The following PRSS23 variants were observed in gnomAD, a reference collection of about 807,000 sequenced individuals.
PRSS23 encodes the protein protease, serine 23.
PRSS23 carries 25 observed loss-of-function variants against 34.7 expected under a neutral mutation model. The observed-to-expected ratio is 0.72, with a 90% CI of 0.53 to 1.01. The LOEUF (loss-of-function observed/expected upper bound fraction) is 1.01, where lower values mean the gene tolerates loss of function less well. Among genes scored for constraint, PRSS23 ranks in the 50% least tolerant of loss-of-function variants. The pLI, the probability that PRSS23 is intolerant of heterozygous loss-of-function variation, is 0.00. For missense variants in PRSS23, 445 were observed against 475.6 expected (o/e 0.94, Z 0.60); for synonymous variants, 176 against 186.6 (o/e 0.94, Z 0.46).
intron 2 of PRSS23, among the ~76,000 whole-genome samples, chr11:86,864,231 T>C (rs1948635220): frequency 6.6e-6 from 1 of 152,162 alleles, no homozygotes; most frequent in African/African-American, 2.4e-5. Context: ...ATTTTTTTTT[T>C]TTCCCCAAAG....
chr11:86,903,997 C>T (rs887797631), intron 2 of PRSS23, among the ~76,000 whole-genome samples: 3 of 152,098 alleles, frequency 2.0e-5, no homozygotes, highest in Non-Finnish European at 4.4e-5. Context: ...ATAGCTTTTG[C>T]TTCTGAAGGC....
intron 1 of PRSS23, among the ~76,000 whole-genome samples, chr11:86,793,546 C>G: frequency 1.3e-5 from 2 of 152,138 alleles, no homozygotes; most frequent in East Asian, 3.8e-4. Flanking sequence ...AATTTGTTAT[C>G]TGACATGAAC....
intron 2 of PRSS23, chr11:86,951,190 T>A: frequency 6.2e-7 from 1 of 1,613,982 alleles, no homozygotes; most frequent in African/African-American, 1.3e-5. Flanking sequence ...AACCATTTCC[T>A]CTCTTCTCTC....
At chr11:86,899,634 C>T (rs1056400727) in intron 2 of PRSS23, among the ~76,000 whole-genome samples, 1 of 151,930 alleles carries the variant, frequency 6.6e-6, no homozygotes, top group Non-Finnish European at 1.5e-5. Context: ...CTTGCCTAAG[C>T]CTCCCAAGTA....
chr11:86,858,209 T>C (rs908319014), intron 2 of PRSS23, among the ~76,000 whole-genome samples: 1 of 151,890 alleles, frequency 6.6e-6, no homozygotes, highest in Admixed American at 6.6e-5. Context: ...TCCTGTGATA[T>C]TGTTCTTAAT....
chr11:86,853,914 A>T (rs1426811414), intron 2 of PRSS23, among the ~76,000 whole-genome samples: 1 of 152,076 alleles, frequency 6.6e-6, no homozygotes, highest in Non-Finnish European at 1.5e-5. Flanking sequence ...ATCCATCCTA[A>T]TGTGTGGTAT....
In PRSS23 at chr11:86,914,042, T is replaced by TAAAAA. The variant is rs35087518; in HGVS notation, c.207-37159_207-37155dup. Among the ~76,000 whole-genome samples the TAAAAA allele has an allele frequency of 3.4e-4, 39 of 114,852 alleles. 2 individuals are homozygous for TAAAAA. Among genetic ancestry groups the TAAAAA allele is most frequent in the African/African-American group, 7.1e-4 (20 of 28,110 alleles). 75.3% of individuals were successfully genotyped at this position (114,852 alleles called of 152,430 possible). ...GAATGTGGTGAAACACCATCTCTAC[T>TAAAAA]AAAAAAAAAAAAAAAAAAACCTCAA... On this transcript the variant is annotated intron_variant, in intron 2 of 2. Coordinates refer to the PRSS23 transcript ENST00000533902.
chr11:86,814,444 CAAAG>C (rs1191901499), downstream of PRSS23, among the ~76,000 whole-genome samples: 1 of 151,914 alleles, frequency 6.6e-6, no homozygotes, highest in Non-Finnish European at 1.5e-5. Context: ...AATGTGGCCT[CAAAG>C]AAAGCAAGAG....
chr11:86,875,453 C>T (rs1267273103), intron 2 of PRSS23, among the ~76,000 whole-genome samples: 1 of 152,164 alleles, frequency 6.6e-6, no homozygotes, highest in Non-Finnish European at 1.5e-5. Flanking sequence ...TTAAAAATCC[C>T]TCTTGCCTCT....
At chr11:86,834,743 C>T (rs1948391269) in intron 2 of PRSS23, among the ~76,000 whole-genome samples, 1 of 152,050 alleles carries the variant, frequency 6.6e-6, no homozygotes, top group African/African-American at 2.4e-5. Flanking sequence ...CTCCATATTG[C>T]TGCATGGGCA....
intron 1 of PRSS23, among the ~76,000 whole-genome samples, chr11:86,817,471 A>T (rs191163192): frequency 1.3e-4 from 20 of 152,332 alleles, no homozygotes; most frequent in African/African-American, 4.6e-4. Flanking sequence ...CTATACTTTT[A>T]TTGAAATACC....
At chr11:86,938,559 G>C (rs1949179813) in intron 2 of PRSS23, among the ~76,000 whole-genome samples, 1 of 152,190 alleles carries the variant, frequency 6.6e-6, no homozygotes, top group African/African-American at 2.4e-5. Flanking sequence ...TGAGGAAGAG[G>C]AATGATGTGG....
At chr11:86,833,329 A>G in intron 2 of PRSS23, 1 of 1,120,128 alleles carries the variant, frequency 8.9e-7, no homozygotes, top group South Asian at 1.2e-5. Context: ...CAGGATAATG[A>G]GCAGATTCTC....
At chr11:86,828,427 G>A (rs375039912) in intron 2 of PRSS23, among the ~76,000 whole-genome samples, 13 of 152,194 alleles carry the variant, frequency 8.5e-5, no homozygotes, top group East Asian at 7.7e-4. Flanking sequence ...CAGCACACTG[G>A]TGGGTCTTGA....
chr11:86,879,756 CGTCCGGG>C lies in PRSS23; in HGVS notation c.206+56164_206+56170del, dbSNP rs1948758353. ...CAGCCCCCCGCCCGGCCAGCCGCCC[CGTCCGGG>C]AGGGAGGTGGGGGGGTCAGCCCCCT... On this transcript the variant is annotated intron_variant, in intron 2 of 2. Coordinates refer to the PRSS23 transcript ENST00000533902. Among the ~76,000 whole-genome samples, 4 of 124,732 alleles carry C rather than the reference CGTCCGGG, an allele frequency of 3.2e-5. 1 individual carries two copies. The highest frequency in any genetic ancestry group is 1.6e-4 in the Admixed American group (2 of 12,656). 81.8% of individuals were successfully genotyped at this position (124,732 alleles called of 152,430 possible).
At chr11:86,819,543 G>A (rs1172671989) in intron 1 of PRSS23, among the ~76,000 whole-genome samples, 2 of 152,094 alleles carry the variant, frequency 1.3e-5, no homozygotes, top group African/African-American at 2.4e-5. Flanking sequence ...TCCTTTCACT[G>A]TGAACATAAG....
intron 2 of PRSS23, among the ~76,000 whole-genome samples, chr11:86,850,260 T>C (rs1203728855): frequency 1.3e-5 from 2 of 152,174 alleles, no homozygotes; most frequent in African/African-American, 4.8e-5. Context: ...TGAGAAACCC[T>C]GGAATGACCC....
At chr11:86,824,718 G>A (rs1179449512) in intron 2 of PRSS23, among the ~76,000 whole-genome samples, 2 of 146,884 alleles carry the variant, frequency 1.4e-5, no homozygotes. Context: ...CTATGAGTGA[G>A]AATATGCAGT....
At chr11:86,869,438 G>A (rs937500077) in intron 2 of PRSS23, among the ~76,000 whole-genome samples, 1 of 152,138 alleles carries the variant, frequency 6.6e-6, no homozygotes. Context: ...ATATAGCTTT[G>A]AATGAGACAG....
Sources: allele counts gnomAD v4.1 joint callset (sites outside exome capture counted in the v4.1 genomes callset), GRCh38; gene constraint gnomAD v4.1.1; transcripts MANE v1.5; gene names NCBI Gene and HGNC (gene_info 2026-07-23, HGNC 2026-07-21).